The following CD34 variants were observed in gnomAD, a reference collection of about 807,000 sequenced individuals.
CD34 encodes the protein hematopoietic progenitor cell antigen CD34.
CD34 carries 34 observed loss-of-function variants against 40.1 expected under a neutral mutation model. The observed-to-expected ratio is 0.85, with a 90% CI of 0.65 to 1.13. CD34 has a LOEUF of 1.13. Ranked by LOEUF, CD34 falls within the 50% of genes most tolerant of loss-of-function variation. The pLI is 0.00. For missense variants in CD34, 426 were observed against 466.9 expected (o/e 0.91, Z 0.81); for synonymous variants, 209 against 190.0 (o/e 1.10, Z -0.82).
intron 3 of CD34, 112 bp downstream of exon 3, chr1:207,898,861 T>C (rs576667203): frequency 1.7e-6 from 2 of 1,148,278 alleles, no homozygotes; most frequent in Non-Finnish European, 2.6e-6. Context: ...GATTCCCACA[T>C]GACCCAAATC....
chr1:207,903,758 C>T (rs1271720615), intron 1 of CD34, among the ~76,000 whole-genome samples: 3 of 152,138 alleles, frequency 2.0e-5, no homozygotes, highest in Admixed American at 6.5e-5. Flanking sequence ...AAAGTTGAAA[C>T]GTAGGAAGAG....
Position 207,886,359 on chromosome 1 carries a change from T to G in CD34, c.*1379A>C, listed in dbSNP as rs917239153. ...TGTTTCCTCTCCCCATGGAGGAGAA[T>G]AGTTGGCAGACTTGGCTAAAGGTCC... On this transcript the variant is annotated 3_prime_UTR_variant, in exon 8 of 8. Transcript: ENST00000310833. 2.6e-5 allele frequency: 4 copies of G among 152,238 alleles called. No homozygotes were observed. The highest frequency in any genetic ancestry group is 2.6e-4 in the Admixed American group (4 of 15,300). The allele number at this position is 152,238 out of a possible 1,614,324, so 9.4% of individuals were successfully genotyped here.
Position 207,888,692 on chromosome 1 carries a change from C to T in CD34, c.962G>A (p.Gly321Glu). 6.2e-7 allele frequency: 1 copy of T among 1,614,180 alleles called. No homozygotes were observed. The highest frequency in any genetic ancestry group is 8.5e-7 in the Non-Finnish European group (1 of 1,180,034). ...GCCCCCAGAACTGACCAGCCTTTCT[C>T]CTGTGGGGCTCCAGCTGCGGCGATT... ...LMNRRSWSPT[G>E]ERLGEDPYYT... The change falls in exon 7 of 8, where the codon GGA becomes GAA. Residue 321 changes from glycine to glutamate, a missense_variant. Coordinates refer to ENST00000310833, the MANE Select transcript of CD34 (RefSeq NM_001025109.2).
At chr1:207,888,158 C>T in intron 7 of CD34, 7 of 1,611,884 alleles carry the variant, frequency 4.3e-6, no homozygotes, top group Non-Finnish European at 5.1e-6. Context: ...CACACCATGC[C>T]ACCGCAGCTC....
chr1:207,896,158 T>C (rs772634805), intron 4 of CD34, among the ~76,000 whole-genome samples: 21 of 152,356 alleles, frequency 1.4e-4, no homozygotes, highest in Non-Finnish European at 2.4e-4. Context: ...AGTCTATGCA[T>C]GCCAGCACAT....
chr1:207,884,429 C>T lies in CD34; in HGVS notation c.*3309G>A, dbSNP rs529929837. 6.6e-6 allele frequency: 1 copy of T among 152,320 alleles called. No individual in the cohort carries two copies. The highest frequency in any genetic ancestry group is 6.5e-5 in the Admixed American group (1 of 15,304). The allele number at this position is 152,320 out of a possible 1,614,324, so 9.4% of individuals were successfully genotyped here. On this transcript the variant is annotated 3_prime_UTR_variant, in exon 8 of 8. Coordinates refer to ENST00000310833, the MANE Select transcript of CD34 (RefSeq NM_001025109.2). ...CCAGTCTCAAGAACAGTGTCTGGCACATAACAGATGTTCTGGCACATTTCG... is the reference window on the plus strand; with the variant it reads ...CCAGTCTCAAGAACAGTGTCTGGCATATAACAGATGTTCTGGCACATTTCG...
At chr1:207,903,348 G>A (rs1293161497) in intron 1 of CD34, among the ~76,000 whole-genome samples, 1 of 152,188 alleles carries the variant, frequency 6.6e-6, no homozygotes, top group Non-Finnish European at 1.5e-5. Flanking sequence ...ACCAGTCAGT[G>A]AGAGCTTGTC....
intron 4 of CD34, among the ~76,000 whole-genome samples, chr1:207,895,090 A>G (rs74629708): frequency 2.0e-5 from 3 of 152,344 alleles, no homozygotes; most frequent in African/African-American, 7.2e-5. Flanking sequence ...GGCTCCCAAC[A>G]TTAGAACCAA....
rs1181749857 is a variant in CD34, at chr1:207,887,547, G to A, written c.*191C>T. On this transcript the variant is annotated 3_prime_UTR_variant, in exon 8 of 8. Transcript: ENST00000310833. ...GACCAGAGTCTGGCTCCAGGGAGCC[G>A]AATGTGTAAAGGACAGGAGTTTACC... 18 of 727,710 alleles carry A rather than the reference G, an allele frequency of 2.5e-5. No individual in the cohort carries two copies. The East Asian group carries it at 2.5e-4, about 10-fold the overall frequency. The allele number at this position is 727,710 out of a possible 1,614,324, so 45.1% of individuals were successfully genotyped here.
intron 7 of CD34, 104 bp downstream of exon 7, chr1:207,888,577 GA>G: frequency 9.0e-7 from 1 of 1,117,268 alleles, no homozygotes; most frequent in East Asian, 2.4e-5. Context: ...TAAGCTCACA[GA>G]AGGGCTTTTT....
chr1:207,887,618 T>G lies in CD34; in HGVS notation c.*120A>C. ...GGCCCCAAGAACAGCCTCTGAGGTG[T>G]GTGCAGTGGGGAAGGGTTGGGCGTA... is the stretch of plus-strand genomic sequence containing the variant. On this transcript the variant is annotated 3_prime_UTR_variant, in exon 8 of 8. Transcript: ENST00000310833. 1 of 1,397,602 alleles carries G rather than the reference T, an allele frequency of 7.2e-7. No homozygotes were observed. The allele number at this position is 1,397,602 out of a possible 1,614,324, so 86.6% of individuals were successfully genotyped here.
In CD34 at chr1:207,881,060, C is replaced by T. The variant is rs1558114629; in HGVS notation, c.*6678G>A. ...TTTTAAATTTGAGTTTATTAAATTA[C>T]ATATAGCTGGAAGTCCTGTCTCTCA... On this transcript the variant is annotated 3_prime_UTR_variant, in exon 8 of 8. Transcript: ENST00000310833. 6.6e-6 allele frequency: 1 copy of T among 152,130 alleles called. No homozygotes were observed. The highest frequency in any genetic ancestry group is 1.5e-5 in the Non-Finnish European group (1 of 68,024). The allele number at this position is 152,130 out of a possible 1,614,324, so 9.4% of individuals were successfully genotyped here.
intron 4 of CD34, among the ~76,000 whole-genome samples, chr1:207,894,199 C>A (rs1209076521): frequency 6.6e-6 from 1 of 152,190 alleles, no homozygotes; most frequent in African/African-American, 2.4e-5. Flanking sequence ...TTTACACTTA[C>A]AATGGAATAT....
intron 4 of CD34, among the ~76,000 whole-genome samples, chr1:207,892,990 T>C (rs1275860912): frequency 6.6e-6 from 1 of 152,124 alleles, no homozygotes. Context: ...CAGTGAATTG[T>C]GTTTGGGCCC....
chr1:207,890,038 T>C, intron 4 of CD34: 1 of 1,374,710 alleles, frequency 7.3e-7, no homozygotes, highest in Non-Finnish European at 9.3e-7. Flanking sequence ...CCAAGGGAGG[T>C]GAGGAGGAGA....
chr1:207,898,445 C>T (rs965722991), intron 3 of CD34, among the ~76,000 whole-genome samples: 42 of 152,342 alleles, frequency 2.8e-4, no homozygotes, highest in African/African-American at 9.6e-4. Flanking sequence ...TGTTGACAGT[C>T]ATAGGCCCTA....
rs1358204310 is a variant in CD34, at chr1:207,881,543, C to T, written c.*6195G>A. The T allele has an allele frequency of 6.6e-6, 1 of 151,568 alleles. No homozygotes were observed. The highest frequency in any genetic ancestry group is 2.4e-5 in the African/African-American group (1 of 41,198). 9.4% of individuals were successfully genotyped at this position (151,568 alleles called of 1,614,324 possible). ...GGCGTGGTGGCGGGTGCCTGTAGTC[C>T]CAGCTACTTGGGAGGCTGAGGCAGG... On this transcript the variant is annotated 3_prime_UTR_variant, in exon 8 of 8. Coordinates refer to ENST00000310833, the MANE Select transcript of CD34 (RefSeq NM_001025109.2).
intron 4 of CD34, 149 bp from the exon 5 acceptor site, chr1:207,889,770 G>T: frequency 2.6e-6 from 4 of 1,517,740 alleles, no homozygotes; most frequent in Non-Finnish European, 3.6e-6. Flanking sequence ...AAAAAAAACT[G>T]CTAACTGTAT....
intron 7 of CD34, among the ~76,000 whole-genome samples, chr1:207,888,333 G>T (rs1315024339): frequency 6.6e-6 from 1 of 152,182 alleles, no homozygotes; most frequent in East Asian, 1.9e-4. Context: ...TTGAGCAAGG[G>T]GGCACCCACT....
Sources: allele counts gnomAD v4.1 joint callset (sites outside exome capture counted in the v4.1 genomes callset), GRCh38; gene constraint gnomAD v4.1.1; transcripts MANE v1.5; gene names NCBI Gene and HGNC (gene_info 2026-07-23, HGNC 2026-07-21).